The following MYO1E variants were observed in gnomAD, a reference collection of about 807,000 sequenced individuals.
MYO1E encodes unconventional myosin-Ie.
In MYO1E, 68 loss-of-function variants were observed where a neutral mutation model predicts 151.1. That is an observed-to-expected ratio of 0.45 (90% confidence interval 0.37 to 0.55). The LOEUF (loss-of-function observed/expected upper bound fraction) is 0.55, where lower values mean the gene tolerates loss of function less well. Among genes scored for constraint, MYO1E ranks in the 20% least tolerant of loss-of-function variants. The probability of loss-of-function intolerance (pLI) is 0.00; values close to 1 mark genes in which losing one functional copy is unlikely to be tolerated. For missense variants in MYO1E, 1,363 were observed against 1,389.3 expected (o/e 0.98, Z 0.30); for synonymous variants, 601 against 501.7 (o/e 1.20, Z -2.64).
At chr15:59,224,894 C>T in intron 7 of MYO1E, 71 bp from the exon 8 acceptor site, 1 of 1,597,256 alleles carries the variant, frequency 6.3e-7, no homozygotes, top group Non-Finnish European at 8.6e-7. Flanking sequence ...CTGCATCCTG[C>T]AGCCACCATC....
intron 4 of MYO1E, among the ~76,000 whole-genome samples, chr15:59,252,746 G>A (rs1283940600): frequency 1.3e-5 from 2 of 148,588 alleles, no homozygotes; most frequent in Non-Finnish European, 3.0e-5. Context: ...AATTAGCCAG[G>A]CATGGTGGTG....
chr15:59,358,125 A>G (rs145586144), intron 1 of MYO1E, among the ~76,000 whole-genome samples: 52 of 152,316 alleles, frequency 3.4e-4, no homozygotes, highest in Admixed American at 8.5e-4. Context: ...TTGTCTCCAT[A>G]GAGCAGACAA....
intron 25 of MYO1E, among the ~76,000 whole-genome samples, chr15:59,156,286 G>C (rs1458803165): frequency 3.3e-5 from 5 of 152,220 alleles, no homozygotes; most frequent in African/African-American, 9.7e-5. Flanking sequence ...CCGGGTTCAA[G>C]CAATTCTCGT....
chr15:59,365,088 C>T (rs1018711708), intron 1 of MYO1E, among the ~76,000 whole-genome samples: 14 of 146,748 alleles, frequency 9.5e-5, no homozygotes, highest in African/African-American at 3.5e-4. Context: ...GGTGTGATCT[C>T]GGCTCACTGC....
chr15:59,160,339 G>A (rs1276873246), intron 24 of MYO1E, among the ~76,000 whole-genome samples: 1 of 26,198 alleles, frequency 3.8e-5, no homozygotes, highest in Non-Finnish European at 9.6e-5. Flanking sequence ...GGTAGTGCGT[G>A]TGTGTGTGTG....
chr15:59,322,350 T>G (rs2080632321), intron 1 of MYO1E, among the ~76,000 whole-genome samples: 1 of 152,166 alleles, frequency 6.6e-6, no homozygotes, highest in Admixed American at 6.6e-5. Context: ...TGTCACCTTT[T>G]CAACATAAGA....
intron 22 of MYO1E, among the ~76,000 whole-genome samples, chr15:59,169,079 C>T (rs1250959069): frequency 6.6e-6 from 1 of 152,170 alleles, no homozygotes; most frequent in Non-Finnish European, 1.5e-5. Flanking sequence ...GTAACTGTTA[C>T]TGAATGGTTG....
intron 14 of MYO1E, among the ~76,000 whole-genome samples, chr15:59,205,920 T>C (rs115700639): frequency 0.034 from 5,202 of 152,296 alleles, 301 homozygotes; most frequent in African/African-American, 0.12. Flanking sequence ...AGCCATGTCA[T>C]CTGAGGCTTT....
chr15:59,338,313 G>A (rs1448316746), intron 1 of MYO1E, among the ~76,000 whole-genome samples: 4 of 146,946 alleles, frequency 2.7e-5, no homozygotes, highest in Admixed American at 6.8e-5. Flanking sequence ...CTTGAAAGAG[G>A]AGTTGAAATG....
intron 9 of MYO1E, among the ~76,000 whole-genome samples, chr15:59,218,581 T>C (rs1194453307): frequency 6.6e-6 from 1 of 152,226 alleles, no homozygotes; most frequent in East Asian, 1.9e-4. Context: ...GTTTATTGAG[T>C]ATTTAGCATG....
intron 4 of MYO1E, among the ~76,000 whole-genome samples, chr15:59,254,075 A>T (rs1182309183): frequency 6.6e-6 from 1 of 152,142 alleles, no homozygotes; most frequent in African/African-American, 2.4e-5. Flanking sequence ...ATGGAATTGG[A>T]ATACTGATAT....
At chr15:59,192,771 A>G (rs1463252804) in intron 17 of MYO1E, among the ~76,000 whole-genome samples, 3 of 152,212 alleles carry the variant, frequency 2.0e-5, no homozygotes, top group East Asian at 1.9e-4. Context: ...AAGGTTGACT[A>G]AAGATTTGGT....
At chr15:59,277,562 A>ACAACAACAAC (rs1567000041) in intron 1 of MYO1E, among the ~76,000 whole-genome samples, 1 of 136,938 alleles carries the variant, frequency 7.3e-6, no homozygotes, top group Non-Finnish European at 1.6e-5. Context: ...AAAAAAAAAA[A>ACAACAACAAC]AAAAAAAAAA....
intron 6 of MYO1E, among the ~76,000 whole-genome samples, chr15:59,228,093 C>A (rs2080002981): frequency 6.6e-6 from 1 of 152,166 alleles, no homozygotes; most frequent in Non-Finnish European, 1.5e-5. Flanking sequence ...TTGTCACTGT[C>A]ATTGTTATGA....
intron 6 of MYO1E, among the ~76,000 whole-genome samples, chr15:59,228,393 C>G (rs2080005010): frequency 1.3e-5 from 2 of 151,988 alleles, no homozygotes; most frequent in Admixed American, 1.3e-4. Context: ...TCGCTTGAAC[C>G]TGGGAGGTGG....
chr15:59,371,926 G>A (rs1267849523), intron 1 of MYO1E, among the ~76,000 whole-genome samples: 1 of 150,470 alleles, frequency 6.6e-6, no homozygotes, highest in African/African-American at 2.4e-5. Context: ...CCTTTGTGCG[G>A]CCCGCGCCGC....
intron 10 of MYO1E, among the ~76,000 whole-genome samples, chr15:59,215,103 T>G (rs1226629837): frequency 6.6e-6 from 1 of 152,222 alleles, no homozygotes; most frequent in Non-Finnish European, 1.5e-5. Flanking sequence ...TCATTTCCAG[T>G]GTCTTCCATT....
chr15:59,181,268 T>G (rs2079656918), intron 18 of MYO1E, among the ~76,000 whole-genome samples: 1 of 152,176 alleles, frequency 6.6e-6, no homozygotes, highest in Non-Finnish European at 1.5e-5. Context: ...TGAGGAAGTG[T>G]AAATCATGCT....
chr15:59,220,740 T>C (rs1352138099), intron 9 of MYO1E, among the ~76,000 whole-genome samples: 1 of 151,736 alleles, frequency 6.6e-6, no homozygotes, highest in African/African-American at 2.4e-5. Flanking sequence ...AGAAACCATA[T>C]TAATGTCCAA....
Sources: gnomAD v4.1 joint callset for allele counts (sites outside exome capture counted in the v4.1 genomes callset) on GRCh38, gnomAD v4.1.1 for gene constraint, MANE v1.5 for transcripts, NCBI Gene and HGNC (gene_info 2026-07-23, HGNC 2026-07-21) for gene names.